The following FOXP2 variants were observed in gnomAD, a reference collection of about 807,000 sequenced individuals.
FOXP2 encodes the protein forkhead box P2, also known as forkhead box protein P2.
FOXP2 carries 12 observed loss-of-function variants against 115.8 expected under a neutral mutation model. That is an observed-to-expected ratio of 0.10 (90% CI 0.07 to 0.17). FOXP2 has a LOEUF of 0.17. Among genes scored for constraint, FOXP2 ranks in the 10% least tolerant of loss-of-function variants. The pLI, the probability that FOXP2 is intolerant of heterozygous loss-of-function variation, is 1.00. For synonymous variants in FOXP2, 328 were observed against 297.7 expected, an observed-to-expected ratio of 1.10 and a Z score of -1.05; for missense variants, 629 against 843.5, an observed-to-expected ratio of 0.75 and a Z score of 3.15.
intron 2 of FOXP2, among the ~76,000 whole-genome samples, chr7:114,442,566 TC>T (rs1794653931): frequency 6.6e-6 from 1 of 152,078 alleles, no homozygotes; most frequent in Non-Finnish European, 1.5e-5. Context: ...CAGGTGATTC[TC>T]CCACCTCAGC....
chr7:114,255,561 C>A (rs765480013), intron 1 of FOXP2, among the ~76,000 whole-genome samples: 1 of 152,208 alleles, frequency 6.6e-6, no homozygotes, highest in Non-Finnish European at 1.5e-5. Flanking sequence ...TAGCAATGAA[C>A]GAGGATCCGT....
intron 1 of FOXP2, among the ~76,000 whole-genome samples, chr7:114,230,115 T>A (rs1471358730): frequency 1.3e-5 from 2 of 151,866 alleles, no homozygotes; most frequent in African/African-American, 4.8e-5. Flanking sequence ...ACCATCATAC[T>A]GGATGACCTA....
At chr7:114,526,991 A>ATTTTTTTTTT (rs200748852) in intron 2 of FOXP2, among the ~76,000 whole-genome samples, 5 of 128,846 alleles carry the variant, frequency 3.9e-5, no homozygotes, top group Non-Finnish European at 6.6e-5. Context: ...CCACTAATCT[A>ATTTTTTTTTT]TTTTTTTTTT....
intron 2 of FOXP2, among the ~76,000 whole-genome samples, chr7:114,486,917 C>T (rs919588192): frequency 2.0e-5 from 3 of 152,190 alleles, no homozygotes; most frequent in East Asian, 1.9e-4. Context: ...CTTTCACAGA[C>T]TGGCACTGAG....
At chr7:114,454,942 C>T (rs567135358) in intron 2 of FOXP2, among the ~76,000 whole-genome samples, 17 of 140,650 alleles carry the variant, frequency 1.2e-4, no homozygotes, top group Middle Eastern at 3.6e-3. Context: ...GTGGGTGCAG[C>T]GCACCAGCAT....
rs544333798 is a variant in FOXP2, at chr7:114,692,848, T to A, written c.*2922T>A. On this transcript the variant is annotated 3_prime_UTR_variant, in exon 17 of 17. Transcript: ENST00000350908. ...TTTATTTATCTTTTTTGAGGTAAACTAATTTTTGATACTTTTCATTACTGT... is the reference window on the plus strand; with the variant it reads ...TTTATTTATCTTTTTTGAGGTAAACAAATTTTTGATACTTTTCATTACTGT... 6.6e-6 allele frequency: 3 copies of A among 451,158 alleles called. No homozygotes were observed. Among genetic ancestry groups the A allele is most frequent in the Non-Finnish European group, 1.3e-5 (3 of 225,306 alleles). The allele number at this position is 451,158 out of a possible 1,614,324, so 27.9% of individuals were successfully genotyped here.
At chr7:114,597,319 A>T (rs1379005448) in intron 3 of FOXP2, among the ~76,000 whole-genome samples, 2 of 152,134 alleles carry the variant, frequency 1.3e-5, no homozygotes, top group African/African-American at 2.4e-5. Context: ...TTGAAGGCAA[A>T]CTATGCAAGT....
At chr7:114,347,211 T>C (rs1162307316) in intron 2 of FOXP2, among the ~76,000 whole-genome samples, 1 of 151,916 alleles carries the variant, frequency 6.6e-6, no homozygotes, top group Non-Finnish European at 1.5e-5. Context: ...TTATATATAA[T>C]TGAAATTATA....
chr7:114,272,795 A>G (rs1796098889), intron 1 of FOXP2, among the ~76,000 whole-genome samples: 1 of 151,798 alleles, frequency 6.6e-6, no homozygotes, highest in African/African-American at 2.4e-5. Flanking sequence ...TCTCCTCTGT[A>G]GTGATTTCTG....
chr7:114,272,017 T>G (rs1005285044), intron 1 of FOXP2, among the ~76,000 whole-genome samples: 2 of 137,724 alleles, frequency 1.5e-5, no homozygotes, highest in Non-Finnish European at 3.1e-5. Flanking sequence ...ATAATTATAA[T>G]ATTAATAAAT....
intron 1 of FOXP2, among the ~76,000 whole-genome samples, chr7:114,145,495 T>TCTTTC (rs1554421691): frequency 4.1e-5 from 6 of 144,966 alleles, no homozygotes; most frequent in Admixed American, 7.0e-5. Context: ...TCTTTTCTTT[T>TCTTTC]CTTTCCTTTT....
At chr7:114,524,783 G>A (rs909457561) in intron 2 of FOXP2, among the ~76,000 whole-genome samples, 5 of 151,850 alleles carry the variant, frequency 3.3e-5, no homozygotes, top group African/African-American at 4.8e-5. Flanking sequence ...ACATTGCGAC[G>A]TAATTAAATT....
chr7:114,657,468 T>A (rs1406425299), intron 10 of FOXP2, among the ~76,000 whole-genome samples: 2 of 152,192 alleles, frequency 1.3e-5, no homozygotes, highest in Non-Finnish European at 1.5e-5. Context: ...CCAATCAGAT[T>A]TAATTTGAAA....
intron 1 of FOXP2, among the ~76,000 whole-genome samples, chr7:114,258,281 T>C (rs1795669222): frequency 6.6e-6 from 1 of 152,208 alleles, no homozygotes; most frequent in African/African-American, 2.4e-5. Flanking sequence ...GATGTACATG[T>C]GGGTTATGTG....
intron 3 of FOXP2, among the ~76,000 whole-genome samples, chr7:114,596,726 C>T (rs1030139459): frequency 7.2e-5 from 11 of 152,046 alleles, no homozygotes; most frequent in East Asian, 1.9e-4. Flanking sequence ...CCCCTCCATA[C>T]GTGTCCCAGG....
chr7:114,546,893 G>A (rs1245924053), intron 3 of FOXP2, among the ~76,000 whole-genome samples: 5 of 152,114 alleles, frequency 3.3e-5, no homozygotes, highest in African/African-American at 1.2e-4. Flanking sequence ...CTTGACACAT[G>A]GTAGATGCTA....
chr7:114,513,078 A>G (rs1391003270), intron 2 of FOXP2, among the ~76,000 whole-genome samples: 1 of 152,164 alleles, frequency 6.6e-6, no homozygotes, highest in Admixed American at 6.6e-5. Flanking sequence ...CCAAGACTCC[A>G]TCTCAAAACA....
At chr7:114,498,874 T>G (rs1316482958) in intron 2 of FOXP2, 4 of 718,068 alleles carry the variant, frequency 5.6e-6, no homozygotes, top group Non-Finnish European at 1.0e-5. Context: ...GGCATCTTTC[T>G]TTCCTCAGGA....
intron 1 of FOXP2, among the ~76,000 whole-genome samples, chr7:114,105,263 G>A (rs1791081953): frequency 6.6e-6 from 1 of 151,836 alleles, no homozygotes; most frequent in African/African-American, 2.4e-5. Context: ...TATTTTAGTG[G>A]TTAGTTTAAA....
Sources: allele counts gnomAD v4.1 joint callset (sites outside exome capture counted in the v4.1 genomes callset), GRCh38; gene constraint gnomAD v4.1.1; transcripts MANE v1.5; gene names NCBI Gene and HGNC (gene_info 2026-07-23, HGNC 2026-07-21).